CD276: variants seen among roughly 807,000 people sequenced by gnomAD.
The protein encoded by CD276 is CD276 antigen.
A neutral mutation model predicts 50.0 loss-of-function variants in CD276; 34 were observed. The ratio of observed to expected loss-of-function variants is 0.68; its 90% CI spans 0.52 to 0.91. The LOEUF (loss-of-function observed/expected upper bound fraction) is 0.91. Among genes scored for constraint, CD276 ranks in the 40% least tolerant of loss-of-function variants. The pLI, the probability that CD276 is intolerant of heterozygous loss-of-function variation, is 0.00. For synonymous variants in CD276, 275 were observed against 313.0 expected, an observed-to-expected ratio of 0.88 and a Z score of 1.28; for missense variants, 634 against 717.5, an observed-to-expected ratio of 0.88 and a Z score of 1.33.
intron 2 of CD276, among the ~76,000 whole-genome samples, chr15:73,701,329 C>T (rs1280358707): frequency 1.3e-5 from 2 of 152,188 alleles, no homozygotes; most frequent in African/African-American, 2.4e-5. Context: ...TCCCCCTTGC[C>T]CTGCCACAGT....
At chr15:73,694,687 G>C (rs1900113102) in intron 1 of CD276, among the ~76,000 whole-genome samples, 1 of 152,144 alleles carries the variant, frequency 6.6e-6, no homozygotes, top group African/African-American at 2.4e-5. Flanking sequence ...AAGGGGGAGG[G>C]GAAAGGGAGG....
intron 1 of CD276, among the ~76,000 whole-genome samples, chr15:73,695,108 A>G (rs1900128574): frequency 6.6e-6 from 1 of 152,244 alleles, no homozygotes; most frequent in South Asian, 2.1e-4. Flanking sequence ...GTGGCTGTGA[A>G]CTGGTTAAGC....
chr15:73,691,665 C>T (rs536523047), intron 1 of CD276, among the ~76,000 whole-genome samples: 14 of 152,292 alleles, frequency 9.2e-5, no homozygotes, highest in Admixed American at 9.2e-4. Flanking sequence ...GCCTTGCTAC[C>T]AGAAGGGGCC....
intron 9 of CD276, among the ~76,000 whole-genome samples, chr15:73,712,667 T>A (rs1221284933): frequency 6.6e-6 from 1 of 151,888 alleles, no homozygotes; most frequent in African/African-American, 2.4e-5. Context: ...GAGGGAAGTG[T>A]ATCGGGCTGT....
Position 73,704,938 on chromosome 15 carries a change from A to ACTTGCGCTCCACCCAGG in CD276, c.1369+468_1369+484dup, listed in dbSNP as rs1236133156. ...TCAACGTCAGCTCTTCTTCCTGCAG[A>ACTTGCGCTCCACCCAGG]CTTGCGCTCCACCCAGGCAGCCGTT... On this transcript the variant is annotated intron_variant, in intron 6 of 9. Transcript: ENST00000318443. This position sits in a 1 kb window ranked among gnomAD's most constrained non-coding sequence, Gnocchi z 4.1. Among the ~76,000 whole-genome samples, 1 of 152,152 alleles carries ACTTGCGCTCCACCCAGG rather than the reference A, an allele frequency of 6.6e-6. No homozygotes were observed. Among genetic ancestry groups the ACTTGCGCTCCACCCAGG allele is most frequent in the Non-Finnish European group, 1.5e-5 (1 of 68,014 alleles).
At chr15:73,700,870 G>C (rs1291386765) in intron 2 of CD276, among the ~76,000 whole-genome samples, 2 of 7,778 alleles carry the variant, frequency 2.6e-4, no homozygotes, top group Admixed American at 3.4e-3. Flanking sequence ...TGCCAGGGTG[G>C]GGGGGTTCGC....
chr15:73,690,427 C>T (rs1224815245), intron 1 of CD276, among the ~76,000 whole-genome samples: 1 of 152,140 alleles, frequency 6.6e-6, no homozygotes, highest in Non-Finnish European at 1.5e-5. Flanking sequence ...TGTTTTACTG[C>T]TATAACAGAA....
chr15:73,693,571 G>A (rs1042199832), intron 1 of CD276, among the ~76,000 whole-genome samples: 2 of 151,438 alleles, frequency 1.3e-5, no homozygotes, highest in African/African-American at 4.9e-5. Context: ...GCAGCAATGA[G>A]TGTGAGTGAC....
intron 1 of CD276, among the ~76,000 whole-genome samples, chr15:73,697,914 CAGCCTATCTCCCAGGGTATT>C (rs1900237312): frequency 1.3e-5 from 2 of 152,184 alleles, no homozygotes; most frequent in African/African-American, 4.8e-5. Flanking sequence ...CCAAGTGTTA[CAGCCTATCTCCCAGGGTATT>C]AGGAGGACGT....
chr15:73,699,548 CCTT>C, intron 1 of CD276, 35 bp from the exon 2 acceptor site: 1 of 1,551,308 alleles, frequency 6.4e-7, no homozygotes, highest in Non-Finnish European at 8.7e-7. Context: ...CTGGGGAGAA[CCTT>C]TGGAGACAAA....
rs11634549 is a variant in CD276, at chr15:73,710,155, A to G, written c.1546+466A>G. ...GTTGTTTGAATTATTAATTGAGATA[A>G]TGTATATAAAGGACCTAGTATCATA... On this transcript the variant is annotated intron_variant, in intron 8 of 9. Transcript: ENST00000318443. Among the ~76,000 whole-genome samples the G allele has an allele frequency of 9.4e-3, 1,425 of 152,338 alleles. 11 individuals are homozygous for G. Among genetic ancestry groups the G allele is most frequent in the Middle Eastern group, 0.017 (5 of 294 alleles).
intron 9 of CD276, chr15:73,711,838 G>C (rs192695403): frequency 6.6e-6 from 1 of 152,562 alleles, no homozygotes; most frequent in Non-Finnish European, 1.5e-5. Flanking sequence ...AACCATAGAA[G>C]AGCTGGGCAG....
intron 6 of CD276, among the ~76,000 whole-genome samples, chr15:73,705,144 G>A (rs1900598869): frequency 6.6e-6 from 1 of 152,216 alleles, no homozygotes; most frequent in Admixed American, 6.5e-5. Context: ...GGCCCTGAGA[G>A]GCCTCTGGTC....
intron 7 of CD276, 137 bp downstream of exon 7, chr15:73,708,610 T>A: frequency 9.7e-7 from 1 of 1,029,348 alleles, no homozygotes. Context: ...TGGATTTGTC[T>A]GTGTGTGACC....
In CD276 at chr15:73,713,722, A is replaced by C. The variant is rs1901007855; in HGVS notation, c.*766A>C. 1 of 427,426 alleles carries C rather than the reference A, an allele frequency of 2.3e-6. No homozygotes were observed. The highest frequency in any genetic ancestry group is 1.7e-5 in the South Asian group (1 of 60,444). 26.5% of individuals were successfully genotyped at this position (427,426 alleles called of 1,614,324 possible). A position where few individuals can be genotyped will look rare whatever the true frequency, so the allele number is the denominator to read the frequency against. Reference sequence around the variant, plus strand: ...CCCCTCTCCCCTGCCCATCCTCCCCACGGAAGCATGTGCTGGTCACACTGG... The same window carrying C: ...CCCCTCTCCCCTGCCCATCCTCCCCCCGGAAGCATGTGCTGGTCACACTGG... On this transcript the variant is annotated 3_prime_UTR_variant, in exon 10 of 10. Transcript: ENST00000318443.
chr15:73,683,961 T>A (rs1439187374), upstream of CD276: 1 of 152,406 alleles, frequency 6.6e-6, no homozygotes, highest in Admixed American at 6.5e-5. Flanking sequence ...GCAGTCGAGT[T>A]AACCCTTTCT....
chr15:73,708,654 G>C, intron 7 of CD276, 181 bp downstream of exon 7: 1 of 668,100 alleles, frequency 1.5e-6, no homozygotes. Flanking sequence ...GAACAAGCGT[G>C]AGCCTGTCTG....
intron 2 of CD276, among the ~76,000 whole-genome samples, chr15:73,700,684 G>C (rs959396030): frequency 6.6e-6 from 1 of 152,110 alleles, no homozygotes; most frequent in Non-Finnish European, 1.5e-5. Context: ...TACTGAGTAT[G>C]ATTCACAATA....
intron 1 of CD276, among the ~76,000 whole-genome samples, chr15:73,695,690 T>C (rs1449814631): frequency 6.6e-6 from 1 of 152,212 alleles, no homozygotes; most frequent in Non-Finnish European, 1.5e-5. Context: ...TAGTTCAAAC[T>C]GGTTTAAGGG....
Sources: allele counts gnomAD v4.1 joint callset (sites outside exome capture counted in the v4.1 genomes callset), GRCh38; gene constraint gnomAD v4.1.1; non-coding constraint Gnocchi (gnomAD v3.1); transcripts MANE v1.5; gene names NCBI Gene and HGNC (gene_info 2026-07-23, HGNC 2026-07-21).